CDH18: variants seen among roughly 807,000 people sequenced by gnomAD.
CDH18 encodes cadherin-18.
In CDH18, 31 loss-of-function variants were observed where a neutral mutation model predicts 67.9. That is an observed-to-expected ratio of 0.46 (90% CI 0.34 to 0.62). CDH18 has a LOEUF of 0.62. Ranked by LOEUF, CDH18 falls within the 20% of genes least tolerant of loss-of-function variation. CDH18 has a pLI of 0.01. For missense variants in CDH18, 890 were observed against 975.5 expected (o/e 0.91, Z 1.17); for synonymous variants, 362 against 347.2 (o/e 1.04, Z -0.48).
At chr5:20,229,160 C>G (rs998072043) in intron 2 of CDH18, among the ~76,000 whole-genome samples, 1 of 151,838 alleles carries the variant, frequency 6.6e-6, no homozygotes, top group Non-Finnish European at 1.5e-5. Context: ...GACCCTGAAG[C>G]CTTTATTTTA....
intron 5 of CDH18, among the ~76,000 whole-genome samples, chr5:19,705,017 C>T (rs548522380): frequency 5.6e-4 from 86 of 152,304 alleles, no homozygotes; most frequent in African/African-American, 2.0e-3. Context: ...CAGTAAACAA[C>T]CTGCAGCCTG....
intron 3 of CDH18, among the ~76,000 whole-genome samples, chr5:19,828,362 GTCT>G (rs1780640334): frequency 6.6e-6 from 1 of 150,586 alleles, no homozygotes; most frequent in African/African-American, 2.5e-5. Flanking sequence ...CCCTAACTCA[GTCT>G]ACAAGGCCAG....
At chr5:19,894,167 A>G (rs1389445421) in intron 2 of CDH18, among the ~76,000 whole-genome samples, 4 of 152,034 alleles carry the variant, frequency 2.6e-5, no homozygotes, top group Admixed American at 2.6e-4. Context: ...GAAAAAATCC[A>G]CTGATATTTT....
At chr5:19,532,205 A>G (rs1412871099) in intron 9 of CDH18, among the ~76,000 whole-genome samples, 1 of 152,070 alleles carries the variant, frequency 6.6e-6, no homozygotes, top group Non-Finnish European at 1.5e-5. Flanking sequence ...TTTCTAATGC[A>G]TCATTCTAAC....
intron 3 of CDH18, among the ~76,000 whole-genome samples, chr5:19,826,427 C>A (rs933899647): frequency 6.6e-6 from 1 of 152,034 alleles, no homozygotes; most frequent in African/African-American, 2.4e-5. Context: ...ACACAGTCAT[C>A]AGATTCTCCA....
intron 8 of CDH18, among the ~76,000 whole-genome samples, chr5:19,568,664 T>G (rs971340002): frequency 6.6e-5 from 10 of 152,146 alleles, no homozygotes; most frequent in Non-Finnish European, 7.4e-5. Context: ...TGCTCTTCAC[T>G]ATGTGAAAAT....
chr5:19,791,532 C>T (rs898326878), intron 3 of CDH18, among the ~76,000 whole-genome samples: 32 of 152,022 alleles, frequency 2.1e-4, no homozygotes, highest in African/African-American at 7.7e-4. Flanking sequence ...AATATCTTTC[C>T]TTTAGCAGCT....
At chr5:20,552,589 T>C (rs1413609715) in intron 1 of CDH18, among the ~76,000 whole-genome samples, 1 of 152,158 alleles carries the variant, frequency 6.6e-6, no homozygotes, top group Non-Finnish European at 1.5e-5. Flanking sequence ...ATCTCAAATA[T>C]TGTCAGGGTT....
chr5:20,134,298 T>C (rs1655455412), intron 2 of CDH18, among the ~76,000 whole-genome samples: 1 of 152,150 alleles, frequency 6.6e-6, no homozygotes, highest in Non-Finnish European at 1.5e-5. Flanking sequence ...ATCGTTTTTA[T>C]TTGACCTTCA....
intron 6 of CDH18, among the ~76,000 whole-genome samples, chr5:19,608,647 T>C (rs935632592): frequency 1.3e-5 from 2 of 151,822 alleles, no homozygotes; most frequent in Non-Finnish European, 2.9e-5. Flanking sequence ...TTTTAGAGCT[T>C]GATCCTCCAA....
chr5:19,706,958 G>T (rs1009024634), intron 5 of CDH18, among the ~76,000 whole-genome samples: 1 of 152,172 alleles, frequency 6.6e-6, no homozygotes, highest in African/African-American at 2.4e-5. Context: ...AGCATCTACA[G>T]AAACCAGCTG....
chr5:20,287,099 G>A (rs761193435), intron 1 of CDH18, among the ~76,000 whole-genome samples: 14 of 151,686 alleles, frequency 9.2e-5, no homozygotes, highest in Admixed American at 2.6e-4. Context: ...TATCATTTTC[G>A]TGCATGAACT....
chr5:19,731,881 G>C (rs554797058), intron 4 of CDH18, among the ~76,000 whole-genome samples: 78 of 152,148 alleles, frequency 5.1e-4, no homozygotes, highest in African/African-American at 1.9e-3. Context: ...CTTAAAATCA[G>C]TAGTTTAAGA....
rs556193011 is a variant in CDH18 at position 20,215,057 on chromosome 5, C to G, written c.-518+40387G>C. ...TGAACGGACACTTTTCAAAAGAAGA[C>G]ATGCATGTGGCCAACAAACATATAA... On this transcript the variant is annotated intron_variant, in intron 2 of 14. Transcript: ENST00000507958. Among the ~76,000 whole-genome samples, 195 of 152,048 alleles carry G rather than the reference C, an allele frequency of 1.3e-3. 1 individual carries two copies. Among genetic ancestry groups the G allele is most frequent in the African/African-American group, 4.4e-3 (184 of 41,524 alleles).
At chr5:19,895,809 A>C (rs1197459424) in intron 2 of CDH18, among the ~76,000 whole-genome samples, 1 of 152,190 alleles carries the variant, frequency 6.6e-6, no homozygotes, top group Admixed American at 6.5e-5. Context: ...GAAATGACAA[A>C]GATACAGAGT....
intron 2 of CDH18, among the ~76,000 whole-genome samples, chr5:20,041,740 T>C (rs949136437): frequency 6.6e-6 from 1 of 152,220 alleles, no homozygotes; most frequent in African/African-American, 2.4e-5. Flanking sequence ...ATTTCTTAAC[T>C]GCTAGCTAGC....
At chr5:20,437,503 G>A (rs903136405) in intron 1 of CDH18, among the ~76,000 whole-genome samples, 2 of 151,166 alleles carry the variant, frequency 1.3e-5, no homozygotes, top group African/African-American at 4.9e-5. Flanking sequence ...CTTCAGAGTA[G>A]ATAGCATAAT....
intron 2 of CDH18, among the ~76,000 whole-genome samples, chr5:19,925,142 G>T (rs1263815202): frequency 6.6e-6 from 1 of 152,126 alleles, no homozygotes; most frequent in Non-Finnish European, 1.5e-5. Flanking sequence ...GAAGACACAG[G>T]TACAGTACTT....
intron 1 of CDH18, among the ~76,000 whole-genome samples, chr5:20,549,308 C>T (rs1757509086): frequency 6.6e-6 from 1 of 152,092 alleles, no homozygotes; most frequent in South Asian, 2.1e-4. Context: ...CATATTGACA[C>T]ATTCTATATA....
Sources: allele counts gnomAD v4.1 joint callset (sites outside exome capture counted in the v4.1 genomes callset), GRCh38; gene constraint gnomAD v4.1.1; transcripts MANE v1.5; gene names NCBI Gene and HGNC (gene_info 2026-07-23, HGNC 2026-07-21).